The following BRAF variants were observed in gnomAD, a reference collection of about 807,000 sequenced individuals.
BRAF encodes the protein serine/threonine-protein kinase B-raf.
A neutral mutation model predicts 104.6 loss-of-function variants in BRAF; 16 were observed. The ratio of observed to expected loss-of-function variants is 0.15; its 90% CI spans 0.10 to 0.23. The LOEUF (loss-of-function observed/expected upper bound fraction) is 0.23, where lower values mean the gene tolerates loss of function less well. Ranked by LOEUF, BRAF falls within the 10% of genes least tolerant of loss-of-function variation. BRAF has a pLI of 1.00. For synonymous variants in BRAF, 310 were observed against 341.6 expected (o/e 0.91, Z 1.02); for missense variants, 541 against 937.3 (o/e 0.58, Z 5.52).
At chr7:140,919,819 C>A (rs780871521) in intron 1 of BRAF, among the ~76,000 whole-genome samples, 3 of 136,498 alleles carry the variant, frequency 2.2e-5, no homozygotes, top group African/African-American at 4.9e-5. Flanking sequence ...GTTCTACAAG[C>A]AAGTTTTTTT....
chr7:140,748,008 A>G (rs576451551), intron 17 of BRAF, among the ~76,000 whole-genome samples: 1 of 152,338 alleles, frequency 6.6e-6, no homozygotes, highest in African/African-American at 2.4e-5. Flanking sequence ...GGCCAACACC[A>G]ACTAAAATTT....
At chr7:140,891,149 G>A (rs1240777193) in intron 1 of BRAF, among the ~76,000 whole-genome samples, 10 of 152,136 alleles carry the variant, frequency 6.6e-5, no homozygotes, top group African/African-American at 1.7e-4. Flanking sequence ...AGAGTACCAC[G>A]CAGAGAAAAT....
chr7:140,852,570 A>G (rs1809297877), intron 1 of BRAF, among the ~76,000 whole-genome samples: 1 of 152,106 alleles, frequency 6.6e-6, no homozygotes, highest in Non-Finnish European at 1.5e-5. Flanking sequence ...TTCTTTCATG[A>G]TGCCTTTGCT....
At chr7:140,903,635 G>A (rs1042956119) in intron 1 of BRAF, among the ~76,000 whole-genome samples, 1 of 152,192 alleles carries the variant, frequency 6.6e-6, no homozygotes, top group African/African-American at 2.4e-5. Flanking sequence ...TTGGGCTATA[G>A]CCGCCATAGA....
At position 140,775,114 on chromosome 7, in the gene BRAF, A is replaced by G. The variant is rs187867506; in HGVS notation, c.1814+1798T>C. Among the ~76,000 whole-genome samples the G allele has an allele frequency of 3.3e-5, 5 of 152,294 alleles. No individual in the cohort carries two copies. The East Asian group carries it at 9.6e-4, about 29-fold the overall frequency. ...AGTGACGTGGGGACATGTTAGTTATATAAGGTGAGCAAGGATTTCTATTAA... is the reference window on the plus strand; with the variant it reads ...AGTGACGTGGGGACATGTTAGTTATGTAAGGTGAGCAAGGATTTCTATTAA... On this transcript the variant is annotated intron_variant, in intron 14 of 19. Coordinates refer to ENST00000644969, the MANE Select transcript of BRAF (RefSeq NM_001374258.1).
At chr7:140,886,689 T>C (rs191951170) in intron 1 of BRAF, among the ~76,000 whole-genome samples, 50 of 152,316 alleles carry the variant, frequency 3.3e-4, no homozygotes, top group African/African-American at 1.2e-3. Context: ...TCCCAATCTA[T>C]ATTTGATCCT....
rs1275412004 is a variant in BRAF, at chr7:140,735,747, AG to A, written c.2248-978del. ...AAATTTTTGTATTTTTAGCAGAGAC[AG>A]GGTTTCACCACGTTGGCCAGGCTGG... On this transcript the variant is annotated intron_variant, in intron 18 of 19. Transcript: ENST00000644969. Among the ~76,000 whole-genome samples the A allele has an allele frequency of 2.6e-5, 4 of 152,034 alleles. No homozygotes were observed. The East Asian group carries it at 7.8e-4, about 30-fold the overall frequency.
At chr7:140,906,099 A>AG (rs1054395151) in intron 1 of BRAF, among the ~76,000 whole-genome samples, 1 of 150,188 alleles carries the variant, frequency 6.7e-6, no homozygotes, top group Non-Finnish European at 1.5e-5. Context: ...AAAAAAAAAA[A>AG]AAAAAAAAAG....
At chr7:140,729,380 C>G (rs1272227366) in intron 19 of BRAF, among the ~76,000 whole-genome samples, 6 of 152,210 alleles carry the variant, frequency 3.9e-5, no homozygotes, top group Non-Finnish European at 8.8e-5. Flanking sequence ...CGAGGTGGCT[C>G]ATGCCTGTAA....
intron 1 of BRAF, chr7:140,884,131 C>T (rs1170700263): frequency 6.6e-6 from 1 of 152,002 alleles, no homozygotes. Context: ...ATAGGCATGG[C>T]CCTTGCCTAA....
chr7:140,864,485 G>A (rs1037742209), intron 1 of BRAF, among the ~76,000 whole-genome samples: 3 of 152,156 alleles, frequency 2.0e-5, no homozygotes, highest in Non-Finnish European at 2.9e-5. Context: ...GGAGAGATGA[G>A]GCTGAAGACA....
chr7:140,770,679 T>TA, intron 14 of BRAF, among the ~76,000 whole-genome samples: 1 of 152,206 alleles, frequency 6.6e-6, no homozygotes, highest in South Asian at 2.1e-4. Context: ...CTCACGCCTG[T>TA]AATCCCAGCA....
intron 1 of BRAF, among the ~76,000 whole-genome samples, chr7:140,884,699 T>C (rs769698465): frequency 3.9e-5 from 6 of 152,044 alleles, no homozygotes; most frequent in Non-Finnish European, 7.4e-5. Flanking sequence ...TCTTCCTGCA[T>C]TGGCCTCCCA....
intron 1 of BRAF, among the ~76,000 whole-genome samples, chr7:140,920,900 T>C (rs1377612047): frequency 6.6e-6 from 1 of 152,218 alleles, no homozygotes; most frequent in African/African-American, 2.4e-5. Flanking sequence ...TAGCCAAAAC[T>C]GCACAAGCAC....
At chr7:140,802,057 G>A (rs1562966807) in intron 5 of BRAF, among the ~76,000 whole-genome samples, 1 of 152,136 alleles carries the variant, frequency 6.6e-6, no homozygotes, top group East Asian at 1.9e-4. Flanking sequence ...CTATAAATGA[G>A]CTAATTCCTT....
intron 3 of BRAF, among the ~76,000 whole-genome samples, chr7:140,832,469 G>C (rs9640168): frequency 0.35 from 53,058 of 152,112 alleles, 11,998 homozygotes; most frequent in Non-Finnish European, 0.52. Flanking sequence ...TAAGAATTGA[G>C]AGAAGAAAAG....
chr7:140,812,597 C>T lies in BRAF; in HGVS notation c.505-3602G>A, dbSNP rs1804402124. ...AAAATTTGGTTTTCTGCTCTATTAC[C>T]AAGGCAAGCCATCTATCAGTCCTTC... On this transcript the variant is annotated intron_variant, in intron 3 of 19. Transcript: ENST00000644969. Among the ~76,000 whole-genome samples the T allele has an allele frequency of 3.3e-5, 5 of 152,216 alleles. No individual in the cohort carries two copies. The South Asian group carries it at 1.0e-3, about 32-fold the overall frequency.
intron 3 of BRAF, among the ~76,000 whole-genome samples, chr7:140,833,031 G>A (rs955509265): frequency 6.6e-6 from 1 of 151,798 alleles, no homozygotes; most frequent in African/African-American, 2.4e-5. Flanking sequence ...CCACCACCAC[G>A]CCCCGCTAAT....
At chr7:140,850,373 C>A (rs560926027) in intron 1 of BRAF, among the ~76,000 whole-genome samples, 161 bp from the exon 2 acceptor site, 1 of 152,242 alleles carries the variant, frequency 6.6e-6, no homozygotes, top group Non-Finnish European at 1.5e-5. Context: ...TATGAAACAT[C>A]TTTAAATTTT....
Sources: gnomAD v4.1 joint callset for allele counts (sites outside exome capture counted in the v4.1 genomes callset) on GRCh38, gnomAD v4.1.1 for gene constraint, MANE v1.5 for transcripts, NCBI Gene and HGNC (gene_info 2026-07-23, HGNC 2026-07-21) for gene names.